Variants in EYS observed in about 807,000 individuals in gnomAD.
EYS encodes protein eyes shut homolog.
Under a neutral mutation model 282.1 loss-of-function variants are expected in EYS, and 250 were observed. That is an observed-to-expected ratio of 0.89 (90% CI 0.80 to 0.98). The LOEUF (loss-of-function observed/expected upper bound fraction) is 0.98. EYS is among the 50% of genes least tolerant of loss of function. EYS has a pLI of 0.00. For missense variants in EYS, 4,016 were observed against 3,709.0 expected, an observed-to-expected ratio of 1.08 and a Z score of -2.15; for synonymous variants, 1,355 against 1,282.9, an observed-to-expected ratio of 1.06 and a Z score of -1.20.
chr6:64,060,780 C>T (rs924914804), intron 33 of EYS, among the ~76,000 whole-genome samples: 6 of 152,042 alleles, frequency 3.9e-5, no homozygotes, highest in Non-Finnish European at 8.8e-5. Context: ...CAAATATTAT[C>T]AAAGGTAATG....
At chr6:64,670,517 A>G (rs1411985501) in intron 22 of EYS, among the ~76,000 whole-genome samples, 4 of 152,156 alleles carry the variant, frequency 2.6e-5, no homozygotes, top group Non-Finnish European at 4.4e-5. Flanking sequence ...TTGCTTTATT[A>G]TTATTGCATT....
At chr6:64,344,139 C>G (rs941397151) in intron 29 of EYS, among the ~76,000 whole-genome samples, 1 of 152,146 alleles carries the variant, frequency 6.6e-6, no homozygotes, top group Non-Finnish European at 1.5e-5. Flanking sequence ...TAAGGAGGAG[C>G]TGGTAGCATT....
At chr6:63,755,246 T>C (rs1368265568) in intron 41 of EYS, among the ~76,000 whole-genome samples, 1 of 152,180 alleles carries the variant, frequency 6.6e-6, no homozygotes, top group Non-Finnish European at 1.5e-5. Flanking sequence ...TTTGGTGTTT[T>C]AGTTATGAAG....
intron 12 of EYS, among the ~76,000 whole-genome samples, chr6:65,261,068 C>T (rs1174479717): frequency 1.3e-5 from 2 of 151,976 alleles, no homozygotes; most frequent in Non-Finnish European, 2.9e-5. Flanking sequence ...CTTCACTGAT[C>T]TTTAAAGAGT....
chr6:63,817,630 G>A (rs747218166), intron 36 of EYS, among the ~76,000 whole-genome samples: 1 of 152,172 alleles, frequency 6.6e-6, no homozygotes, highest in Non-Finnish European at 1.5e-5. Flanking sequence ...GAGCTAACCT[G>A]CAAATGACTG....
At chr6:63,970,471 T>C (rs760364304) in intron 35 of EYS, among the ~76,000 whole-genome samples, 3 of 151,998 alleles carry the variant, frequency 2.0e-5, no homozygotes, top group African/African-American at 4.8e-5. Context: ...CTGTCTCTAC[T>C]AAAAATACAA....
At chr6:65,573,526 C>A (rs1463073280) in intron 2 of EYS, among the ~76,000 whole-genome samples, 1 of 152,248 alleles carries the variant, frequency 6.6e-6, no homozygotes, top group African/African-American at 2.4e-5. Flanking sequence ...GAAACTTCTT[C>A]AGGAAAAGAA....
chr6:63,996,194 G>A (rs1767828668), intron 34 of EYS, among the ~76,000 whole-genome samples: 1 of 151,902 alleles, frequency 6.6e-6, no homozygotes, highest in Non-Finnish European at 1.5e-5. Context: ...TGAACCTTGA[G>A]GACTTTATGA....
chr6:65,182,931 G>A (rs1333917639), intron 12 of EYS, among the ~76,000 whole-genome samples: 2 of 151,812 alleles, frequency 1.3e-5, no homozygotes, highest in African/African-American at 2.4e-5. Flanking sequence ...TGGGAATACA[G>A]TCACACACCA....
At chr6:64,687,696 C>G (rs1328884384) in intron 22 of EYS, among the ~76,000 whole-genome samples, 1 of 152,148 alleles carries the variant, frequency 6.6e-6, no homozygotes, top group African/African-American at 2.4e-5. Context: ...TTTGTTGTGT[C>G]TCTGCCACGC....
intron 19 of EYS, among the ~76,000 whole-genome samples, chr6:64,843,104 G>T (rs1258649758): frequency 2.0e-5 from 3 of 152,102 alleles, no homozygotes; most frequent in Non-Finnish European, 2.9e-5. Flanking sequence ...GAAGCCTAGG[G>T]ACTTGGTACC....
intron 22 of EYS, among the ~76,000 whole-genome samples, chr6:64,734,351 TTTGAA>T (rs1247105770): frequency 6.6e-6 from 1 of 152,140 alleles, no homozygotes; most frequent in East Asian, 1.9e-4. Flanking sequence ...TTAAGTTTTG[TTTGAA>T]GCTTTGAAGT....
chr6:63,988,018 T>A lies in EYS; in HGVS notation c.6835-3415A>T, dbSNP rs192040018. On this transcript the variant is annotated intron_variant, in intron 34 of 42. Coordinates refer to ENST00000503581, the MANE Select transcript of EYS (RefSeq NM_001142800.2). ...TAAGGGTGTCTTTAATTTTTTTTCC[T>A]GAGTATTTCTTCTTATTTAGGTCCC... Among the ~76,000 whole-genome samples the A allele has an allele frequency of 4.1e-3, 628 of 151,776 alleles. 3 individuals carry two copies. The highest frequency in any genetic ancestry group is 0.014 in the African/African-American group (600 of 41,492).
intron 33 of EYS, among the ~76,000 whole-genome samples, chr6:64,005,785 G>C (rs1768317288): frequency 6.6e-6 from 1 of 152,062 alleles, no homozygotes; most frequent in Non-Finnish European, 1.5e-5. Flanking sequence ...GTAGGTGTAT[G>C]GCATTACTTC....
chr6:65,230,149 C>T (rs932424570), intron 12 of EYS, among the ~76,000 whole-genome samples: 1 of 151,800 alleles, frequency 6.6e-6, no homozygotes, highest in Non-Finnish European at 1.5e-5. Flanking sequence ...AACAACTGTT[C>T]TTCTAATAAC....
At chr6:64,543,368 G>A (rs953959092) in intron 26 of EYS, among the ~76,000 whole-genome samples, 8 of 152,028 alleles carry the variant, frequency 5.3e-5, no homozygotes, top group Admixed American at 4.6e-4. Context: ...ATTTCTGACA[G>A]ATTTGCCTAT....
At chr6:64,539,199 A>G (rs1414269204) in intron 26 of EYS, among the ~76,000 whole-genome samples, 1 of 152,156 alleles carries the variant, frequency 6.6e-6, no homozygotes, top group Non-Finnish European at 1.5e-5. Context: ...AATATACTTA[A>G]CACTACAGAA....
intron 41 of EYS, among the ~76,000 whole-genome samples, chr6:63,740,279 T>A (rs1769041439): frequency 6.6e-6 from 1 of 152,152 alleles, no homozygotes; most frequent in Non-Finnish European, 1.5e-5. Context: ...TGAATAAGTC[T>A]CACGAGATCT....
chr6:65,695,640 T>A (rs1436507409), intron 1 of EYS, among the ~76,000 whole-genome samples: 3 of 151,950 alleles, frequency 2.0e-5, no homozygotes, highest in African/African-American at 7.2e-5. Flanking sequence ...TTGTTATTTT[T>A]TTTTTTACTT....
Sources: gnomAD v4.1 joint callset for allele counts (sites outside exome capture counted in the v4.1 genomes callset) on GRCh38, gnomAD v4.1.1 for gene constraint, MANE v1.5 for transcripts, NCBI Gene and HGNC (gene_info 2026-07-23, HGNC 2026-07-21) for gene names.